Variants in SHANK2 observed in about 807,000 individuals in gnomAD.
SHANK2 encodes the protein SH3 and multiple ankyrin repeat domains protein 2.
A neutral mutation model predicts 133.7 loss-of-function variants in SHANK2; 43 were observed. The observed-to-expected ratio is 0.32, with a 90% CI of 0.25 to 0.41. SHANK2 has a LOEUF of 0.41. Ranked by LOEUF, SHANK2 falls within the 10% of genes least tolerant of loss-of-function variation. The probability of loss-of-function intolerance (pLI) is 1.00; values close to 1 mark genes in which losing one functional copy is unlikely to be tolerated. For synonymous variants in SHANK2, 1,017 were observed against 952.8 expected, an observed-to-expected ratio of 1.07 and a Z score of -1.24; for missense variants, 1,994 against 2,235.8, an observed-to-expected ratio of 0.89 and a Z score of 2.18.
intron 17 of SHANK2, among the ~76,000 whole-genome samples, chr11:70,540,553 G>A (rs376340709): frequency 8.8e-6 from 1 of 113,936 alleles, no homozygotes; most frequent in Non-Finnish European, 1.8e-5. Flanking sequence ...CACGATTAGC[G>A]ACGGGGGGTG....
intron 17 of SHANK2, among the ~76,000 whole-genome samples, chr11:70,542,598 G>T (rs549080514): frequency 1.8e-4 from 28 of 152,150 alleles, no homozygotes; most frequent in Non-Finnish European, 3.5e-4. Context: ...CCCTCACTGG[G>T]CAGGGCTCTG....
intron 17 of SHANK2, among the ~76,000 whole-genome samples, chr11:70,615,769 C>A (rs1591652998): frequency 6.6e-6 from 1 of 152,336 alleles, no homozygotes; most frequent in African/African-American, 2.4e-5. Flanking sequence ...CCATTCAGTC[C>A]AATCCTGGGG....
At position 70,724,309 on chromosome 11, in the gene SHANK2, T is replaced by C. The variant is rs565410743; in HGVS notation, c.1778-25546A>G. Among the ~76,000 whole-genome samples the C allele has an allele frequency of 6.6e-5, 10 of 152,312 alleles. No individual in the cohort carries two copies. In the South Asian group the frequency reaches 2.1e-3, roughly 32 times the overall value. On this transcript the variant is annotated intron_variant, in intron 14 of 25. Coordinates refer to ENST00000601538, the MANE Select transcript of SHANK2 (RefSeq NM_012309.5). ...CCTCAGCCTCCCAAAGTGCTGGGAT[T>C]ACAGAAATGAGCCACCGTGCCTGGC...
chr11:70,753,827 T>TGTGTGTGTGTGTGTGTGTGTGTGTGTG (rs1555038016), intron 14 of SHANK2, among the ~76,000 whole-genome samples: 9 of 151,804 alleles, frequency 5.9e-5, no homozygotes, highest in Admixed American at 6.6e-5. Flanking sequence ...TGTGTGTGTG[T>TGTGTGTGTGTGTGTGTGTGTGTGTGTG]TTGAGACAGA....
intron 15 of SHANK2, among the ~76,000 whole-genome samples, chr11:70,693,803 G>A (rs1945336900): frequency 6.6e-6 from 1 of 152,160 alleles, no homozygotes; most frequent in Non-Finnish European, 1.5e-5. Flanking sequence ...GGAGTGAACA[G>A]ATAAATGGGT....
intron 10 of SHANK2, among the ~76,000 whole-genome samples, chr11:70,944,461 G>A (rs983921782): frequency 2.6e-5 from 4 of 152,192 alleles, no homozygotes; most frequent in South Asian, 4.1e-4. Flanking sequence ...GGGCCGATTC[G>A]AGAACACGTG....
intron 11 of SHANK2, among the ~76,000 whole-genome samples, chr11:70,846,435 T>C (rs144675196): frequency 6.4e-4 from 97 of 152,134 alleles, no homozygotes; most frequent in Non-Finnish European, 1.1e-3. Flanking sequence ...GGCTAATTTT[T>C]AGTTTTTCAT....
intron 1 of SHANK2, among the ~76,000 whole-genome samples, chr11:71,232,563 C>G (rs1268091346): frequency 2.0e-5 from 3 of 152,060 alleles, no homozygotes; most frequent in Non-Finnish European, 2.9e-5. Flanking sequence ...CCTCCTCCTC[C>G]TCCTCCTCTT....
chr11:70,625,810 G>GAA lies in SHANK2; in HGVS notation c.2061+34016_2061+34017dup, dbSNP rs34147403. Among the ~76,000 whole-genome samples, 28 of 41,394 alleles carry GAA rather than the reference G, an allele frequency of 6.8e-4. 1 individual carries two copies. Among genetic ancestry groups the GAA allele is most frequent in the East Asian group, 1.8e-3 (2 of 1,122 alleles). The allele number at this position is 41,394 out of a possible 152,430, so 27.2% of individuals were successfully genotyped here. ...GCCTCTTGGATCTCTGTGCAAAAAT[G>GAA]AAAAAAAAAAAAAAAAAAAAAAAAA... On this transcript the variant is annotated intron_variant, in intron 17 of 25. Coordinates refer to ENST00000601538, the MANE Select transcript of SHANK2 (RefSeq NM_012309.5).
At chr11:70,827,620 T>C (rs1948662516) in intron 11 of SHANK2, among the ~76,000 whole-genome samples, 1 of 148,802 alleles carries the variant, frequency 6.7e-6, no homozygotes, top group African/African-American at 2.5e-5. Context: ...TAATTTAGTG[T>C]GCTGTGTGTG....
At chr11:71,103,604 C>A (rs1000048338) in intron 6 of SHANK2, among the ~76,000 whole-genome samples, 43 of 152,162 alleles carry the variant, frequency 2.8e-4, no homozygotes, top group African/African-American at 9.9e-4. Flanking sequence ...GTGACGCATA[C>A]CCCATACGCT....
At chr11:71,136,691 A>C (rs1952446106) in intron 3 of SHANK2, among the ~76,000 whole-genome samples, 1 of 152,218 alleles carries the variant, frequency 6.6e-6, no homozygotes, top group Admixed American at 6.5e-5. Context: ...GTTTGACTCC[A>C]TGTCTGGAAT....
chr11:70,955,062 C>T (rs1470297225), intron 10 of SHANK2, among the ~76,000 whole-genome samples: 4 of 152,244 alleles, frequency 2.6e-5, no homozygotes, highest in African/African-American at 4.8e-5. Flanking sequence ...CCTTCTTTGT[C>T]GTTTCCCTCC....
At chr11:71,091,357 G>A (rs905188371) in intron 8 of SHANK2, among the ~76,000 whole-genome samples, 16 of 152,270 alleles carry the variant, frequency 1.1e-4, no homozygotes, top group African/African-American at 3.9e-4. Flanking sequence ...GGGAGGGCGG[G>A]GCCTGCTGGC....
Position 70,830,254 on chromosome 11 carries a change from C to A in SHANK2, c.1175-9572G>T, listed in dbSNP as rs892540001. Among the ~76,000 whole-genome samples, 27 of 152,182 alleles carry A rather than the reference C, an allele frequency of 1.8e-4. No homozygotes were observed. Among genetic ancestry groups the A allele is most frequent in the African/African-American group, 6.3e-4 (26 of 41,440 alleles). ...GGGAACATCAGCATTCCTCCTGCCC[C>A]TCGTTTTATGAGCATGTCCGTGGCC... is the stretch of plus-strand genomic sequence containing the variant. On this transcript the variant is annotated intron_variant, in intron 11 of 25. Transcript: ENST00000601538. This position sits in a 1 kb window ranked among gnomAD's most constrained non-coding sequence, Gnocchi z 4.4.
At chr11:71,074,155 AG>A (rs1481651334) in intron 9 of SHANK2, among the ~76,000 whole-genome samples, 2 of 152,142 alleles carry the variant, frequency 1.3e-5, no homozygotes, top group Non-Finnish European at 2.9e-5. Context: ...GCAGCAGGTG[AG>A]GATGACCTGA....
At chr11:70,721,711 GCCAGTTAC>G (rs1946078699) in intron 14 of SHANK2, among the ~76,000 whole-genome samples, 1 of 152,246 alleles carries the variant, frequency 6.6e-6, no homozygotes, top group African/African-American at 2.4e-5. Flanking sequence ...ACCGTCAGCA[GCCAGTTAC>G]CCTGCATGCA....
At chr11:70,629,213 G>A (rs782333445) in intron 17 of SHANK2, among the ~76,000 whole-genome samples, 5 of 152,152 alleles carry the variant, frequency 3.3e-5, no homozygotes, top group Middle Eastern at 3.4e-3. Context: ...GAGAGCCTTG[G>A]GTGTGTTCTC....
chr11:70,817,077 C>A (rs1407167569), intron 12 of SHANK2, among the ~76,000 whole-genome samples: 1 of 152,248 alleles, frequency 6.6e-6, no homozygotes, highest in East Asian at 1.9e-4. Context: ...CAGAACACAA[C>A]AGTGGCACCT....
Sources: allele counts gnomAD v4.1 joint callset (sites outside exome capture counted in the v4.1 genomes callset), GRCh38; gene constraint gnomAD v4.1.1; non-coding constraint Gnocchi (gnomAD v3.1); transcripts MANE v1.5; gene names NCBI Gene and HGNC (gene_info 2026-07-23, HGNC 2026-07-21).